The following CYP46A1 variants were observed in gnomAD, a reference collection of about 807,000 sequenced individuals.
CYP46A1 encodes the protein cholesterol 24-hydroxylase.
CYP46A1 carries 20 observed loss-of-function variants against 63.3 expected under a neutral mutation model. The ratio of observed to expected loss-of-function variants is 0.32; its 90% confidence interval spans 0.22 to 0.46. The LOEUF (loss-of-function observed/expected upper bound fraction) is 0.46. Among genes scored for constraint, CYP46A1 ranks in the 20% least tolerant of loss-of-function variants. The pLI, the probability that CYP46A1 is intolerant of heterozygous loss-of-function variation, is 1.00. For missense variants in CYP46A1, 445 were observed against 670.8 expected (o/e 0.66, Z 3.72); for synonymous variants, 268 against 273.6 (o/e 0.98, Z 0.20).
intron 11 of CYP46A1, among the ~76,000 whole-genome samples, 159 bp from the exon 12 acceptor site, chr14:99,721,797 G>T (rs918972814): frequency 6.6e-6 from 1 of 152,026 alleles, no homozygotes; most frequent in Non-Finnish European, 1.5e-5. Context: ...GTCACGTGAC[G>T]GTGAGGCTGA....
chr14:99,717,969 C>A, intron 9 of CYP46A1, 85 bp from the exon 10 acceptor site: 1 of 1,069,172 alleles, frequency 9.4e-7, no homozygotes, highest in Non-Finnish European at 1.4e-6. Flanking sequence ...TACATGCCAG[C>A]ACTGGCTGGC....
At chr14:99,699,671 C>A in intron 4 of CYP46A1, 132 bp downstream of exon 4, 1 of 934,896 alleles carries the variant, frequency 1.1e-6, no homozygotes. Flanking sequence ...GTGATGAGTG[C>A]CCCGTAAACA....
intron 1 of CYP46A1, among the ~76,000 whole-genome samples, chr14:99,685,100 C>G (rs866453042): frequency 0.017 from 2,075 of 125,368 alleles, 149 homozygotes; most frequent in African/African-American, 0.054. Flanking sequence ...CCCCCCCCAC[C>G]CCCAGCTTAG....
chr14:99,722,843 T>C lies in CYP46A1; in HGVS notation c.1176+777T>C, dbSNP rs1180317995. 2 of 437,158 alleles carry C rather than the reference T, an allele frequency of 4.6e-6. No individual in the cohort carries two copies. Among genetic ancestry groups the C allele is most frequent in the Admixed American group, 4.8e-5 (2 of 42,008 alleles). The allele number at this position is 437,158 out of a possible 1,614,324, so 27.1% of individuals were successfully genotyped here. A position where few individuals can be genotyped will look rare whatever the true frequency, so the allele number is the denominator to read the frequency against. On this transcript the variant is annotated intron_variant, in intron 12 of 14. Transcript: ENST00000261835. This position sits in a 1 kb window ranked among gnomAD's most constrained non-coding sequence, Gnocchi z 4.6. Reference sequence around the variant, plus strand: ...GAGAGGTGTCCAGTTTGTCCCTATCTCGAGCACCACAGCAACGATGCCATT... The same window carrying C: ...GAGAGGTGTCCAGTTTGTCCCTATCCCGAGCACCACAGCAACGATGCCATT...
intron 7 of CYP46A1, among the ~76,000 whole-genome samples, chr14:99,714,408 G>T (rs2056767975): frequency 6.6e-6 from 1 of 152,144 alleles, no homozygotes; most frequent in African/African-American, 2.4e-5. Context: ...AGGAACACCT[G>T]CACAATAGCC....
chr14:99,726,887 A>C lies in CYP46A1; in HGVS notation c.*160A>C. On this transcript the variant is annotated 3_prime_UTR_variant, in exon 15 of 15. Coordinates refer to ENST00000261835, the MANE Select transcript of CYP46A1 (RefSeq NM_006668.2). Reference sequence around the variant, plus strand: ...GCCGACCGCCTGCTTCACACCCCTCAGCGCTCCCTGTCGCCTGCGGACTCC... The same window carrying C: ...GCCGACCGCCTGCTTCACACCCCTCCGCGCTCCCTGTCGCCTGCGGACTCC... 1.8e-6 allele frequency: 1 copy of C among 554,036 alleles called. No homozygotes were observed. Among genetic ancestry groups the C allele is most frequent in the Admixed American group, 3.5e-5 (1 of 28,240 alleles). 34.3% of individuals were successfully genotyped at this position (554,036 alleles called of 1,614,324 possible).
chr14:99,718,650 C>G (rs2056815161), intron 10 of CYP46A1, among the ~76,000 whole-genome samples: 1 of 152,046 alleles, frequency 6.6e-6, no homozygotes, highest in Admixed American at 6.6e-5. Flanking sequence ...CAAACAGGCT[C>G]CCTCTGGGAC....
At chr14:99,716,666 A>G (rs915207750) in intron 9 of CYP46A1, among the ~76,000 whole-genome samples, 1 of 152,172 alleles carries the variant, frequency 6.6e-6, no homozygotes, top group Non-Finnish European at 1.5e-5. Context: ...GAAGCTGACC[A>G]CAGGCCTGGG....
intron 10 of CYP46A1, 84 bp from the exon 11 acceptor site, chr14:99,721,155 C>G: frequency 1.1e-6 from 1 of 940,742 alleles, no homozygotes; most frequent in East Asian, 2.4e-5. Context: ...CTTCACGCTT[C>G]CTTCCAGTGC....
At chr14:99,709,478 C>G (rs1487729900) in intron 7 of CYP46A1, 2 of 152,118 alleles carry the variant, frequency 1.3e-5, no homozygotes, top group African/African-American at 4.8e-5. Flanking sequence ...GAAGACAGGT[C>G]TTTTTTGAAG....
At chr14:99,718,181 G>A (rs2056809971) in intron 10 of CYP46A1, 55 bp downstream of exon 10, 1 of 1,499,662 alleles carries the variant, frequency 6.7e-7, no homozygotes, top group Admixed American at 1.7e-5. Flanking sequence ...TCTTGTTCCT[G>A]AGGGCCACCT....
intron 7 of CYP46A1, among the ~76,000 whole-genome samples, chr14:99,713,859 C>T (rs1163278176): frequency 2.2e-4 from 24 of 111,566 alleles, no homozygotes; most frequent in Admixed American, 1.7e-3. Context: ...GAGTGAGACT[C>T]CATCTCAAAA....
At chr14:99,721,472 G>A in intron 11 of CYP46A1, 149 bp downstream of exon 11, 1 of 650,804 alleles carries the variant, frequency 1.5e-6, no homozygotes, top group Non-Finnish European at 2.8e-6. Context: ...TGAGGCCCAG[G>A]CTGCCCCAGA....
chr14:99,714,031 G>A (rs1334245572), intron 7 of CYP46A1, among the ~76,000 whole-genome samples: 1 of 151,900 alleles, frequency 6.6e-6, no homozygotes, highest in Non-Finnish European at 1.5e-5. Context: ...GAACACAACA[G>A]CAAAAAAAAG....
intron 1 of CYP46A1, 139 bp downstream of exon 1, chr14:99,684,675 G>C (rs1285829370): frequency 2.8e-6 from 2 of 716,468 alleles, no homozygotes; most frequent in Admixed American, 2.1e-5. Flanking sequence ...CCCGAGAGGG[G>C]CGCTAACTAT....
intron 1 of CYP46A1, among the ~76,000 whole-genome samples, chr14:99,688,373 C>G (rs1329074012): frequency 6.6e-6 from 1 of 152,154 alleles, no homozygotes; most frequent in Non-Finnish European, 1.5e-5. Context: ...CCATCACCTC[C>G]CCCTCCATCC....
At position 99,725,358 on chromosome 14, in the gene CYP46A1, G is replaced by C. The variant is rs945160623; in HGVS notation, c.1177-33G>C. On this transcript the variant is annotated intron_variant, in intron 12 of 14. Transcript: ENST00000261835. The surrounding 1 kb of genome is among the most constrained non-coding windows in gnomAD (Gnocchi z 4.2). The stretch of plus-strand genomic sequence containing the variant: ...CAAGAGGTGCCAGGGGAACAACCTG[G>C]GAACCAGAGATGAGCGGACCCTTTG... 1 of 1,597,848 alleles carries C rather than the reference G, an allele frequency of 6.3e-7. No homozygotes were observed. Among genetic ancestry groups the C allele is most frequent in the East Asian group, 2.2e-5 (1 of 44,804 alleles).
rs553454862 is a variant in CYP46A1, at chr14:99,716,561, A to G, written c.907+362A>G. Among the ~76,000 whole-genome samples the G allele has an allele frequency of 3.3e-4, 50 of 152,286 alleles. 2 individuals carry two copies. Among genetic ancestry groups the G allele is most frequent in the Non-Finnish European group, 8.8e-5 (6 of 68,020 alleles). ...TTTGCTCATCAGATATTTCCTGAAC[A>G]TGGTTCTTCACCTAGAAGACTCCTC... On this transcript the variant is annotated intron_variant, in intron 9 of 14. Coordinates refer to ENST00000261835, the MANE Select transcript of CYP46A1 (RefSeq NM_006668.2).
intron 3 of CYP46A1, among the ~76,000 whole-genome samples, chr14:99,697,532 G>A (rs1352069389): frequency 6.6e-6 from 1 of 152,174 alleles, no homozygotes; most frequent in Non-Finnish European, 1.5e-5. Context: ...TAGGTCATAG[G>A]TCTCACATTT....
Sources: allele counts gnomAD v4.1 joint callset (sites outside exome capture counted in the v4.1 genomes callset), GRCh38; gene constraint gnomAD v4.1.1; non-coding constraint Gnocchi (gnomAD v3.1); transcripts MANE v1.5; gene names NCBI Gene and HGNC (gene_info 2026-07-23, HGNC 2026-07-21).